RBMS1: variants seen among roughly 807,000 people sequenced by gnomAD.
RBMS1 encodes RNA-binding motif, single-stranded-interacting protein 1.
RBMS1 carries 17 observed loss-of-function variants against 62.3 expected under a neutral mutation model. That is an observed-to-expected ratio of 0.27 (90% CI 0.19 to 0.41). The LOEUF (loss-of-function observed/expected upper bound fraction) is 0.41, where lower values mean the gene tolerates loss of function less well. Among genes scored for constraint, RBMS1 ranks in the 10% least tolerant of loss-of-function variants. The probability of loss-of-function intolerance (pLI) is 1.00; values close to 1 mark genes in which losing one functional copy is unlikely to be tolerated. For synonymous variants in RBMS1, 172 were observed against 170.0 expected (o/e 1.01, Z -0.09); for missense variants, 334 against 504.5 (o/e 0.66, Z 3.24).
rs560230864 is a variant in RBMS1, at chr2:160,350,013, G to C, written c.251+17203C>G. Among the ~76,000 whole-genome samples the C allele has an allele frequency of 2.6e-5, 4 of 152,118 alleles. No individual in the cohort carries two copies. In the South Asian group the frequency reaches 8.3e-4, roughly 32 times the overall value. On this transcript the variant is annotated intron_variant, in intron 2 of 13. Transcript: ENST00000348849. ...AGTGCAGGCAGAGGAGGAAAACCTG[G>C]TGTAAGGCACGTGGAAGGCCTGGTG...
chr2:160,399,835 A>T (rs568137075), intron 1 of RBMS1, among the ~76,000 whole-genome samples: 1 of 152,212 alleles, frequency 6.6e-6, no homozygotes, highest in Admixed American at 6.5e-5. Flanking sequence ...GATAGGACCG[A>T]TAACTAAGAA....
chr2:160,492,619 A>AG, intron 1 of RBMS1, among the ~76,000 whole-genome samples: 1 of 152,372 alleles, frequency 6.6e-6, no homozygotes, highest in African/African-American at 2.4e-5. Flanking sequence ...AGAGATTAGA[A>AG]GGGACATCAA....
At chr2:160,325,315 T>C (rs1245639166) in intron 2 of RBMS1, among the ~76,000 whole-genome samples, 1 of 152,128 alleles carries the variant, frequency 6.6e-6, no homozygotes, top group Non-Finnish European at 1.5e-5. Flanking sequence ...TACATGACAT[T>C]GGTCTATCTT....
chr2:160,386,823 G>C (rs1694606181), intron 1 of RBMS1, among the ~76,000 whole-genome samples: 1 of 152,210 alleles, frequency 6.6e-6, no homozygotes, highest in South Asian at 2.1e-4. Context: ...AGAGCGGCCT[G>C]AACTAAGACA....
intron 1 of RBMS1, among the ~76,000 whole-genome samples, chr2:160,409,860 A>G (rs1380503968): frequency 1.3e-5 from 2 of 152,224 alleles, no homozygotes; most frequent in Non-Finnish European, 2.9e-5. Context: ...TTAAGTGATG[A>G]TGAAATTTAA....
chr2:160,311,228 C>CTCTCTCTCTCTCTCTCTCTCTCTCTA (rs1689856905), intron 4 of RBMS1, among the ~76,000 whole-genome samples: 2 of 95,944 alleles, frequency 2.1e-5, no homozygotes, highest in Admixed American at 2.8e-4. Context: ...ATCTATCTAT[C>CTCTCTCTCTCTCTCTCTCTCTCTCTA]TATCTATATA....
chr2:160,421,583 T>C (rs1373196044), intron 1 of RBMS1, among the ~76,000 whole-genome samples: 1 of 152,232 alleles, frequency 6.6e-6, no homozygotes, highest in East Asian at 1.9e-4. Flanking sequence ...GTCTTTGCTA[T>C]TGTGAATAGT....
At chr2:160,324,917 C>T (rs544982767) in intron 2 of RBMS1, among the ~76,000 whole-genome samples, 92 of 124,974 alleles carry the variant, frequency 7.4e-4, no homozygotes, top group Admixed American at 1.3e-3. Flanking sequence ...TACACACACA[C>T]ACACACACAC....
chr2:160,434,752 T>C (rs1298391839), intron 1 of RBMS1, among the ~76,000 whole-genome samples: 1 of 152,224 alleles, frequency 6.6e-6, no homozygotes, highest in African/African-American at 2.4e-5. Context: ...AATGAAACTA[T>C]TGTTTATGAT....
intron 1 of RBMS1, among the ~76,000 whole-genome samples, chr2:160,475,322 T>C (rs1301971975): frequency 1.3e-5 from 2 of 152,214 alleles, no homozygotes; most frequent in Non-Finnish European, 2.9e-5. Context: ...GCATCACTGG[T>C]ATCCTCCTCT....
chr2:160,461,323 T>A (rs941175379), intron 1 of RBMS1, among the ~76,000 whole-genome samples: 4 of 152,034 alleles, frequency 2.6e-5, no homozygotes, highest in African/African-American at 4.8e-5. Flanking sequence ...AGAAAAAATA[T>A]GCTCTTTTGA....
At chr2:160,331,942 G>T (rs1394487524) in intron 2 of RBMS1, among the ~76,000 whole-genome samples, 2 of 152,148 alleles carry the variant, frequency 1.3e-5, no homozygotes, top group African/African-American at 4.8e-5. Flanking sequence ...TGTGTCAGCA[G>T]AAAAATAGGT....
chr2:160,364,283 T>C (rs946716399), intron 2 of RBMS1, among the ~76,000 whole-genome samples: 13 of 152,162 alleles, frequency 8.5e-5, no homozygotes, highest in South Asian at 8.3e-4. Context: ...CTCTTAGAAA[T>C]AGGGAGCAAA....
chr2:160,321,490 G>T lies in RBMS1; in HGVS notation c.252-3263C>A, dbSNP rs1690558602. Among the ~76,000 whole-genome samples, 3 of 151,784 alleles carry T rather than the reference G, an allele frequency of 2.0e-5. 1 individual carries two copies. The East Asian group carries it at 5.8e-4, about 29-fold the overall frequency. On this transcript the variant is annotated intron_variant, in intron 2 of 13. Coordinates refer to ENST00000348849, the MANE Select transcript of RBMS1 (RefSeq NM_016836.4). ...TCAGTTCTTCCTTGTGTGTGTATGT[G>T]TTTTTTTTAAAACTCACCAAAGCTT...
At position 160,484,574 on chromosome 2, in the gene RBMS1, A is replaced by G. The variant is rs189350477; in HGVS notation, c.75+8715T>C. 4.2e-3 allele frequency among the ~76,000 whole-genome samples: 634 copies of G among 151,106 alleles called. 5 individuals carry two copies. Among genetic ancestry groups the G allele is most frequent in the Non-Finnish European group, 3.4e-3 (231 of 67,790 alleles). ...GTCTAGGGTCTGGGGATTCCCTAAA[A>G]AGTTACGAAGCATTGGCCGGGCGCG... On this transcript the variant is annotated intron_variant, in intron 1 of 13. Transcript: ENST00000348849.
At chr2:160,474,357 C>T (rs1685043509) in intron 1 of RBMS1, among the ~76,000 whole-genome samples, 1 of 152,112 alleles carries the variant, frequency 6.6e-6, no homozygotes, top group African/African-American at 2.4e-5. Flanking sequence ...GATGAACAAG[C>T]GTACAATAGC....
At chr2:160,305,110 C>T (rs1054294681) in intron 4 of RBMS1, among the ~76,000 whole-genome samples, 12 of 152,190 alleles carry the variant, frequency 7.9e-5, no homozygotes, top group Admixed American at 5.2e-4. Flanking sequence ...ACCTTGGCCT[C>T]CCAAAGTGCT....
chr2:160,431,870 T>A (rs1055312824), intron 1 of RBMS1, among the ~76,000 whole-genome samples: 40 of 152,142 alleles, frequency 2.6e-4, no homozygotes, highest in African/African-American at 9.7e-4. Context: ...GGTCTTCCTG[T>A]TATATAACCC....
chr2:160,446,794 G>A (rs1036954790), intron 1 of RBMS1, among the ~76,000 whole-genome samples: 16 of 152,162 alleles, frequency 1.1e-4, no homozygotes, highest in Admixed American at 4.6e-4. Flanking sequence ...CGGTTGACAG[G>A]GCTTTCCTCT....
Sources: allele counts gnomAD v4.1 joint callset (sites outside exome capture counted in the v4.1 genomes callset), GRCh38; gene constraint gnomAD v4.1.1; transcripts MANE v1.5; gene names NCBI Gene and HGNC (gene_info 2026-07-23, HGNC 2026-07-21).